The following BPGM variants were observed in gnomAD, a reference collection of about 807,000 sequenced individuals.
BPGM encodes bisphosphoglycerate mutase.
BPGM carries 15 observed loss-of-function variants against 21.6 expected under a neutral mutation model. The ratio of observed to expected loss-of-function variants is 0.70; its 90% CI spans 0.47 to 1.07. BPGM has a LOEUF of 1.07. Ranked by LOEUF, BPGM falls within the 50% of genes least tolerant of loss-of-function variation. The pLI, the probability that BPGM is intolerant of heterozygous loss-of-function variation, is 0.00. For missense variants in BPGM, 273 were observed against 319.0 expected (o/e 0.86, Z 1.10); for synonymous variants, 113 against 116.2 (o/e 0.97, Z 0.18).
chr7:134,650,774 A>C (rs1365733529), intron 1 of BPGM, among the ~76,000 whole-genome samples: 1 of 152,164 alleles, frequency 6.6e-6, no homozygotes, highest in Non-Finnish European at 1.5e-5. Context: ...TAACAAAAAA[A>C]ATTAGCCGGG....
intron 2 of BPGM, among the ~76,000 whole-genome samples, chr7:134,673,356 ATTT>A (rs1470508488): frequency 6.6e-6 from 1 of 152,120 alleles, no homozygotes; most frequent in East Asian, 1.9e-4. Flanking sequence ...AAACATTTCT[ATTT>A]TTGTTGAACT....
At chr7:134,653,401 A>G (rs550010193) in intron 1 of BPGM, among the ~76,000 whole-genome samples, 1 of 152,282 alleles carries the variant, frequency 6.6e-6, no homozygotes, top group South Asian at 2.1e-4. Flanking sequence ...TACCAGAATT[A>G]TTGCAAAAAC....
chr7:134,662,403 G>T (rs563310010), intron 2 of BPGM, among the ~76,000 whole-genome samples: 1 of 152,270 alleles, frequency 6.6e-6, no homozygotes, highest in South Asian at 2.1e-4. Context: ...GGTCTGGGGC[G>T]CACCCTGAGA....
At chr7:134,671,632 G>A (rs1380372867) in intron 2 of BPGM, among the ~76,000 whole-genome samples, 1 of 152,124 alleles carries the variant, frequency 6.6e-6, no homozygotes, top group African/African-American at 2.4e-5. Flanking sequence ...CCAAAGTGCT[G>A]GGATTATGGG....
At chr7:134,659,715 A>G (rs1353200527) in intron 1 of BPGM, among the ~76,000 whole-genome samples, 1 of 152,162 alleles carries the variant, frequency 6.6e-6, no homozygotes, top group Non-Finnish European at 1.5e-5. Context: ...CAAGAAAGGA[A>G]AATCATCATC....
intron 1 of BPGM, 116 bp downstream of exon 1, chr7:134,647,053 G>A: frequency 6.5e-6 from 1 of 154,674 alleles, no homozygotes; most frequent in South Asian, 1.7e-4. Flanking sequence ...TTAGTCGTTG[G>A]TGGGAGTCTG....
chr7:134,664,510 CT>C (rs751181795), intron 2 of BPGM, among the ~76,000 whole-genome samples: 2 of 151,010 alleles, frequency 1.3e-5, no homozygotes, highest in Non-Finnish European at 2.9e-5. Context: ...GGATTATTCT[CT>C]GTTAAACACT....
At chr7:134,663,455 C>G (rs1275367653) in intron 2 of BPGM, among the ~76,000 whole-genome samples, 1 of 152,060 alleles carries the variant, frequency 6.6e-6, no homozygotes, top group Non-Finnish European at 1.5e-5. Flanking sequence ...ATAAAAGGTT[C>G]TATTCTTGTT....
intron 1 of BPGM, among the ~76,000 whole-genome samples, chr7:134,654,407 AC>A (rs1795605536): frequency 6.6e-6 from 1 of 152,204 alleles, no homozygotes; most frequent in Non-Finnish European, 1.5e-5. Flanking sequence ...GGGCATAGAT[AC>A]AGACTTCTCG....
chr7:134,661,470 A>T lies in BPGM; in HGVS notation c.-38A>T. On this transcript the variant is annotated 5_prime_UTR_variant, in exon 2 of 3. Transcript: ENST00000344924. This position sits in a 1 kb window ranked among gnomAD's most constrained non-coding sequence, Gnocchi z 4.6. Reference sequence around the variant, plus strand: ...AGATGTATTGCTGTCCTTGAATATTAGCCCATTTGAAAACGCCTGGGAAGT... The same window carrying T: ...AGATGTATTGCTGTCCTTGAATATTTGCCCATTTGAAAACGCCTGGGAAGT... 6.2e-7 allele frequency: 1 copy of T among 1,613,724 alleles called. No homozygotes were observed. The highest frequency in any genetic ancestry group is 8.5e-7 in the Non-Finnish European group (1 of 1,179,816).
chr7:134,653,386 T>G (rs888643142), intron 1 of BPGM, among the ~76,000 whole-genome samples: 1 of 152,230 alleles, frequency 6.6e-6, no homozygotes, highest in African/African-American at 2.4e-5. Flanking sequence ...GTCTTTATTC[T>G]GTGTTACCAG....
chr7:134,666,647 A>G (rs1044558045), intron 2 of BPGM, among the ~76,000 whole-genome samples: 6 of 152,150 alleles, frequency 3.9e-5, no homozygotes, highest in Admixed American at 6.6e-5. Flanking sequence ...ATTAACACTA[A>G]TGGAGTTCTT....
chr7:134,665,648 T>TAAAAAAAAAAA (rs1795807152), intron 2 of BPGM, among the ~76,000 whole-genome samples: 1 of 4,002 alleles, frequency 2.5e-4, no homozygotes, highest in African/African-American at 5.0e-3. Flanking sequence ...TAAAAATTAA[T>TAAAAAAAAAAA]GAAAAAAAAA....
At chr7:134,650,957 C>T (rs1232758799) in intron 1 of BPGM, among the ~76,000 whole-genome samples, 1 of 152,148 alleles carries the variant, frequency 6.6e-6, no homozygotes, top group Non-Finnish European at 1.5e-5. Context: ...AGGAACTGAG[C>T]CCCAGATTTC....
rs1256528141 is a variant in BPGM, at chr7:134,674,683, G to A, written c.602-4170G>A. On this transcript the variant is annotated intron_variant, in intron 2 of 2. Coordinates refer to ENST00000344924, the MANE Select transcript of BPGM (RefSeq NM_001724.5). ...TCATTAGTTAATGGACATTTGTGTT[G>A]TGTTCACTTTTTGACTATTATGAGT... 2.0e-5 allele frequency among the ~76,000 whole-genome samples: 3 copies of A among 152,160 alleles called. No individual in the cohort carries two copies. In the East Asian group the frequency reaches 5.8e-4, roughly 29 times the overall value.
intron 1 of BPGM, among the ~76,000 whole-genome samples, chr7:134,657,093 A>T (rs143059681): frequency 6.6e-6 from 1 of 152,316 alleles, no homozygotes; most frequent in Non-Finnish European, 1.5e-5. Context: ...TTCCAAAATG[A>T]TCTCCTTTGA....
chr7:134,665,649 G>GAAAAAAAAAAAA lies in BPGM; in HGVS notation c.601+3554_601+3565dup, dbSNP rs1164169964. ...AAAATAAAATAAAATAAAAATTAAT[G>GAAAAAAAAAAAA]AAAAAAAAAAAAAAAAAAAAAAAAG... On this transcript the variant is annotated intron_variant, in intron 2 of 2. Transcript: ENST00000344924. Among the ~76,000 whole-genome samples, 12 of 78,250 alleles carry GAAAAAAAAAAAA rather than the reference G, an allele frequency of 1.5e-4. 4 individuals are homozygous for GAAAAAAAAAAAA. The highest frequency in any genetic ancestry group is 4.8e-4 in the East Asian group (2 of 4,130). The allele number at this position is 78,250 out of a possible 152,430, so 51.3% of individuals were successfully genotyped here. A position where few individuals can be genotyped will look rare whatever the true frequency, so the allele number is the denominator to read the frequency against.
At chr7:134,652,776 G>T (rs1035024765) in intron 1 of BPGM, among the ~76,000 whole-genome samples, 2 of 152,124 alleles carry the variant, frequency 1.3e-5, no homozygotes, top group African/African-American at 4.8e-5. Context: ...AGGCTCTCCA[G>T]TTCCATCCAT....
chr7:134,651,375 G>C (rs552434766), intron 1 of BPGM, among the ~76,000 whole-genome samples: 1 of 152,118 alleles, frequency 6.6e-6, no homozygotes, highest in Non-Finnish European at 1.5e-5. Context: ...TTTCAAACAC[G>C]TGAGGAAGGG....
Sources: allele counts gnomAD v4.1 joint callset (sites outside exome capture counted in the v4.1 genomes callset), GRCh38; gene constraint gnomAD v4.1.1; non-coding constraint Gnocchi (gnomAD v3.1); transcripts MANE v1.5; gene names NCBI Gene and HGNC (gene_info 2026-07-23, HGNC 2026-07-21).